TUBGCP6: variants seen among roughly 807,000 people sequenced by gnomAD.
The protein encoded by TUBGCP6 is gamma-tubulin complex component 6.
TUBGCP6 carries 161 observed loss-of-function variants against 175.8 expected under a neutral mutation model. The ratio of observed to expected loss-of-function variants is 0.92; its 90% CI spans 0.81 to 1.04. TUBGCP6 has a LOEUF of 1.04. TUBGCP6 is among the 50% of genes least tolerant of loss of function. The probability of loss-of-function intolerance (pLI) is 0.00; values close to 1 mark genes in which losing one functional copy is unlikely to be tolerated. For synonymous variants in TUBGCP6, 1,173 were observed against 1,030.5 expected, an observed-to-expected ratio of 1.14 and a Z score of -2.65; for missense variants, 2,572 against 2,433.0, an observed-to-expected ratio of 1.06 and a Z score of -1.20.
In TUBGCP6 at chr22:50,218,045, G is replaced by A. The variant is rs2147171262; in HGVS notation, c.5241C>T (p.Phe1747=). ...AGGCCTGGGAGATGAGCTGGCTGCG[G>A]AACTTGAGCACGAGGCTGAAGATGC... ...IHSIFSLVLK[F]RSQLISQAWG... The change falls in exon 24 of 25, where the codon TTC becomes TTT. Residue 1747 remains phenylalanine, a synonymous_variant. Transcript: ENST00000248846. The A allele has an allele frequency of 6.2e-7, 1 of 1,613,498 alleles. No homozygotes were observed.
rs775980514 is a variant in TUBGCP6, at chr22:50,221,564, G to A, written c.2795C>T (p.Ser932Leu). 21 of 1,587,684 alleles carry A rather than the reference G, an allele frequency of 1.3e-5. 1 individual carries two copies. In the South Asian group the frequency reaches 1.8e-4, roughly 14 times the overall value. The change falls in exon 16 of 25, where the codon TCA becomes TTA. Residue 932 changes from serine (S) to leucine (L), a missense_variant. Ser to Leu is a moderately radical substitution (Grantham distance 145). Transcript: ENST00000248846. ...TGCTGCGGGTGCCTCCCCAGGAGCT[G>A]AGGGGGGCAGGTCCAAGTTAATGGT... ...LQTINLDLPP[S>L]APGEAPAAAS...
At chr22:50,219,574 C>A (rs1569109785) in intron 18 of TUBGCP6, 70 bp downstream of exon 18, 6 of 1,595,250 alleles carry the variant, frequency 3.8e-6, no homozygotes, top group Non-Finnish European at 5.1e-6. Context: ...CCCCAACCCA[C>A]AGGAGGTGGA....
At position 50,218,492 on chromosome 22, in the gene TUBGCP6, G is replaced by A. The variant is rs754126933; in HGVS notation, c.4950C>T (p.Arg1650=). 2.5e-5 allele frequency: 40 copies of A among 1,613,378 alleles called. No individual in the cohort carries two copies. Among genetic ancestry groups the A allele is most frequent in the Non-Finnish European group, 3.3e-5 (39 of 1,179,944 alleles). ...CGGGCTCCAGCGGGGCCTCACCTGT[G>A]CGCTTGAGGTGGAAGCAGACGTCCT... ...ALKDVCFHLK[R]TALLSHMAGS... is the part of the protein sequence containing the mutation. Residue 1650 remains arginine (R), a synonymous_variant, in exon 22 of 25, where the codon CGC becomes CGT. Transcript: ENST00000248846.
intron 4 of TUBGCP6, among the ~76,000 whole-genome samples, chr22:50,228,438 G>T (rs1422713198): frequency 6.6e-6 from 1 of 152,132 alleles, no homozygotes; most frequent in Admixed American, 6.5e-5. Flanking sequence ...CTAGTGCTGT[G>T]AGGGCTGCAG....
intron 3 of TUBGCP6, among the ~76,000 whole-genome samples, 180 bp downstream of exon 3, chr22:50,233,136 T>G (rs748576273): frequency 2.0e-5 from 3 of 152,256 alleles, no homozygotes; most frequent in Non-Finnish European, 2.9e-5. Context: ...AAATTAACAC[T>G]TTTTAGAACC....
chr22:50,220,013 G>C lies in TUBGCP6; in HGVS notation c.4111C>G (p.Pro1371Ala). 1 of 1,613,484 alleles carries C rather than the reference G, an allele frequency of 6.2e-7. No individual in the cohort carries two copies. The highest frequency in any genetic ancestry group is 8.5e-7 in the Non-Finnish European group (1 of 1,179,678). Residue 1371 changes from proline to alanine, a missense_variant and splice_region_variant, in exon 17 of 25, where the codon CCT (proline) becomes GCT (alanine). Coordinates refer to ENST00000248846, the MANE Select transcript of TUBGCP6 (RefSeq NM_020461.4). Reference sequence around the variant, plus strand: ...TCCTCAGTGTCCCCGCTCCTCCCAGGGCCTGTGTGGACACAAGTGGACACG... The same window carrying C: ...TCCTCAGTGTCCCCGCTCCTCCCAGCGCCTGTGTGGACACAAGTGGACACG... The part of the protein sequence containing the change: ...PGDSVSEELG[P>A]GRSGDTEDLS...
chr22:50,219,970 G>A lies in TUBGCP6; in HGVS notation c.4154C>T (p.Pro1385Leu). ...CATCCACCTAACCTGTGAGTTGAGAGGCCAATTTGGAGAGAGGTCCTCAGT... is the reference window on the plus strand; with the variant it reads ...CATCCACCTAACCTGTGAGTTGAGAAGCCAATTTGGAGAGAGGTCCTCAGT... ...GDTEDLSPNW[P>L]LNSQEDTAAQ... is the part of the protein sequence containing the mutation. The change falls in exon 17 of 25, where the codon CCT (proline) becomes CTT (leucine). Residue 1385 changes from proline (P) to leucine (L), a missense_variant. Pro to Leu is a moderately conservative substitution (Grantham distance 98). Coordinates refer to ENST00000248846, the MANE Select transcript of TUBGCP6 (RefSeq NM_020461.4). The A allele has an allele frequency of 1.2e-6, 2 of 1,613,914 alleles. No homozygotes were observed. The highest frequency in any genetic ancestry group is 2.2e-5 in the East Asian group (1 of 44,888).
At position 50,233,326 on chromosome 22, in the gene TUBGCP6, G is replaced by A. The variant is rs757092130; in HGVS notation, c.1106C>T (p.Ser369Leu). 2.4e-5 allele frequency: 38 copies of A among 1,612,988 alleles called. No individual in the cohort carries two copies. The highest frequency in any genetic ancestry group is 1.5e-4 in the Admixed American group (9 of 59,936). The change falls in exon 3 of 25, where the codon TCG (serine) becomes TTG (leucine). Residue 369 changes from serine (S) to leucine (L), a missense_variant. Coordinates refer to ENST00000248846, the MANE Select transcript of TUBGCP6 (RefSeq NM_020461.4). ...GTGAGCAGTTCTCACCTGGCAGAGC[G>A]AAAACGTGGCAGACACGACCCCAAT... is the stretch of plus-strand genomic sequence containing the variant. ...VLIGVVSATF[S>L]LCQPAQAFVV...
At chr22:50,241,832 C>A (rs2064842719) in intron 1 of TUBGCP6, among the ~76,000 whole-genome samples, 2 of 152,096 alleles carry the variant, frequency 1.3e-5, no homozygotes, top group Non-Finnish European at 2.9e-5. Flanking sequence ...CACTACTGGT[C>A]TCCACGTGTT....
intron 14 of TUBGCP6, 24 bp downstream of exon 14, chr22:50,222,430 T>TGG: frequency 6.2e-7 from 1 of 1,612,368 alleles, no homozygotes; most frequent in Non-Finnish European, 8.5e-7. Flanking sequence ...GGGGAAGAGC[T>TGG]GCCATCTGAA....
intron 1 of TUBGCP6, among the ~76,000 whole-genome samples, chr22:50,240,577 CCATGTAACA>C (rs2064827277): frequency 2.0e-5 from 3 of 152,236 alleles, no homozygotes; most frequent in African/African-American, 7.2e-5. Flanking sequence ...ATTTCCAATT[CCATGTAACA>C]CATAAGCCTC....
chr22:50,217,903 CAGGGTGGGCCTCACCTTT>C lies in TUBGCP6; in HGVS notation c.5365_5368+14del. The C allele has an allele frequency of 1.2e-6, 2 of 1,604,946 alleles. No homozygotes were observed. The highest frequency in any genetic ancestry group is 1.7e-6 in the Non-Finnish European group (2 of 1,174,634). On this transcript the variant is annotated splice_donor_variant and splice_donor_5th_base_variant and coding_sequence_variant and intron_variant, in exon 24 of 25. Transcript: ENST00000248846. LOFTEE classifies it high-confidence loss of function. ...CTGGCCCCCCCGCAGCCCTCCCAGC[CAGGGTGGGCCTCACCTTT>C]GAAGAGAAAGTGGGAGTAGTACTTG...
intron 1 of TUBGCP6, among the ~76,000 whole-genome samples, 162 bp from the exon 2 acceptor site, chr22:50,240,529 T>C (rs2064826953): frequency 6.6e-6 from 1 of 152,236 alleles, no homozygotes; most frequent in African/African-American, 2.4e-5. Context: ...CAATGAGCCA[T>C]TTAAGGAATT....
chr22:50,222,933 T>TC (rs2064551676), intron 13 of TUBGCP6: 3 of 259,450 alleles, frequency 1.2e-5, no homozygotes, highest in African/African-American at 6.6e-5. Context: ...TTAGGCCTCT[T>TC]CCCCTTCTAC....
intron 3 of TUBGCP6, 64 bp from the exon 4 acceptor site, chr22:50,229,641 T>C (rs1475922653): frequency 6.7e-7 from 1 of 1,500,978 alleles, no homozygotes; most frequent in African/African-American, 1.4e-5. Context: ...TAAGGTGCCG[T>C]CTCCCTCCAC....
chr22:50,233,521 G>T lies in TUBGCP6; in HGVS notation c.911C>A (p.Pro304His). Reference sequence around the variant, plus strand: ...CAGGTAAGGCTCCTCTCTGTGGCCAGGGGGGCTGCGAGGGGTGCAGAAGAG... The same window carrying T: ...CAGGTAAGGCTCCTCTCTGTGGCCATGGGGGCTGCGAGGGGTGCAGAAGAG... ...RRCWERVGCP[P>H]GHREEPYLTE... Residue 304 changes from proline to histidine, a missense_variant, in exon 3 of 25, where the codon CCT becomes CAT. Transcript: ENST00000248846. 6.2e-7 allele frequency: 1 copy of T among 1,602,596 alleles called. No homozygotes were observed. The highest frequency in any genetic ancestry group is 1.3e-5 in the African/African-American group (1 of 74,806).
intron 1 of TUBGCP6, among the ~76,000 whole-genome samples, chr22:50,241,953 T>C (rs993475445): frequency 3.2e-5 from 4 of 124,780 alleles, no homozygotes; most frequent in African/African-American, 1.3e-4. Flanking sequence ...ACAGACCCTG[T>C]AGGGCTGGTC....
In TUBGCP6 at chr22:50,240,163, G is replaced by A. The variant is rs540867853; in HGVS notation, c.905+41C>T. 1.7e-5 allele frequency: 28 copies of A among 1,611,392 alleles called. 1 individual carries two copies. In the South Asian group the frequency reaches 3.0e-4, roughly 17 times the overall value. On this transcript the variant is annotated intron_variant, in intron 2 of 24. Coordinates refer to ENST00000248846, the MANE Select transcript of TUBGCP6 (RefSeq NM_020461.4). ...CCCATCCAAGGCCACGCTCATGCAG[G>A]GGTAGGGGCACTGCATGCCAAGGCA...
At chr22:50,224,861 T>C (rs1381605352) in intron 10 of TUBGCP6, among the ~76,000 whole-genome samples, 3 of 151,926 alleles carry the variant, frequency 2.0e-5, no homozygotes, top group Non-Finnish European at 4.4e-5. Context: ...GAGGCTGCAG[T>C]GAGCCATGTT....
Sources: gnomAD v4.1 joint callset for allele counts (sites outside exome capture counted in the v4.1 genomes callset) on GRCh38, gnomAD v4.1.1 for gene constraint, MANE v1.5 for transcripts, NCBI Gene and HGNC (gene_info 2026-07-23, HGNC 2026-07-21) for gene names.